Variants in FAR2 observed in about 807,000 individuals in gnomAD.
The protein encoded by FAR2 is epididymis secretory protein Li 81.
In FAR2, 19 loss-of-function variants were observed where a neutral mutation model predicts 56.0. The ratio of observed to expected loss-of-function variants is 0.34; its 90% CI spans 0.24 to 0.50. The LOEUF is 0.50. FAR2 is among the 20% of genes least tolerant of loss of function. The pLI is 0.98. For missense variants in FAR2, 508 were observed against 642.2 expected, an observed-to-expected ratio of 0.79 and a Z score of 2.26; for synonymous variants, 219 against 218.8, an observed-to-expected ratio of 1.00 and a Z score of -0.01.
At chr12:29,169,704 C>A (rs1949867141) in intron 1 of FAR2, among the ~76,000 whole-genome samples, 1 of 152,216 alleles carries the variant, frequency 6.6e-6, no homozygotes, top group South Asian at 2.1e-4. Context: ...TGGAGAGTCA[C>A]TGCTGCCAAA....
intron 1 of FAR2, chr12:29,157,012 C>CTAACTTTA (rs1390782076): frequency 6.7e-6 from 1 of 150,158 alleles, no homozygotes; most frequent in Non-Finnish European, 1.5e-5. Flanking sequence ...TGTGAGATAT[C>CTAACTTTA]TAACTTTATA....
chr12:29,325,095 C>T (rs879546594), intron 10 of FAR2, among the ~76,000 whole-genome samples: 16 of 152,106 alleles, frequency 1.1e-4, no homozygotes, highest in Non-Finnish European at 1.9e-4. Context: ...GCAGGGGTTG[C>T]AATCCTAGTC....
intron 1 of FAR2, among the ~76,000 whole-genome samples, chr12:29,217,984 A>AGAGGAGGAGGAGGAG (rs143213052): frequency 0.032 from 4,830 of 151,284 alleles, 257 homozygotes; most frequent in African/African-American, 0.11. Context: ...AAGAAGACAA[A>AGAGGAGGAGGAGGAG]GAGGAGGAGG....
chr12:29,322,274 A>G (rs1045047737), intron 10 of FAR2, among the ~76,000 whole-genome samples: 1 of 152,232 alleles, frequency 6.6e-6, no homozygotes, highest in Non-Finnish European at 1.5e-5. Flanking sequence ...CTGCCACAGC[A>G]TATGACTTCA....
At chr12:29,203,582 T>G (rs1372297889) in intron 1 of FAR2, among the ~76,000 whole-genome samples, 1 of 152,174 alleles carries the variant, frequency 6.6e-6, no homozygotes, top group Admixed American at 6.5e-5. Context: ...TCCATTTCAT[T>G]CCCCACAATA....
chr12:29,252,558 A>T (rs1391205147), intron 1 of FAR2, among the ~76,000 whole-genome samples: 1 of 152,224 alleles, frequency 6.6e-6, no homozygotes. Context: ...TTATCATGCA[A>T]CATGTGTCGA....
intron 1 of FAR2, among the ~76,000 whole-genome samples, chr12:29,160,831 C>CA (rs1949775903): frequency 6.6e-6 from 1 of 152,082 alleles, no homozygotes; most frequent in Admixed American, 6.6e-5. Context: ...GACCCCCCCC[C>CA]ACTCCAGTAT....
intron 1 of FAR2, among the ~76,000 whole-genome samples, chr12:29,250,522 T>C (rs891072820): frequency 6.6e-6 from 1 of 152,196 alleles, no homozygotes; most frequent in African/African-American, 2.4e-5. Context: ...ACCTATCTTA[T>C]ACCTCATATT....
At chr12:29,186,788 T>G (rs1206948201) in intron 1 of FAR2, among the ~76,000 whole-genome samples, 1 of 69,392 alleles carries the variant, frequency 1.4e-5, no homozygotes, top group Non-Finnish European at 3.8e-5. Context: ...ATTTATTTAT[T>G]TATTTATTTA....
chr12:29,316,798 A>ATTTT (rs1281666680), intron 8 of FAR2, 43 bp from the exon 9 acceptor site: 2 of 1,591,752 alleles, frequency 1.3e-6, no homozygotes. Flanking sequence ...ATGGACTTAT[A>ATTTT]TTCTCCTTTT....
chr12:29,268,732 C>G (rs868165283), intron 1 of FAR2, among the ~76,000 whole-genome samples: 1 of 152,106 alleles, frequency 6.6e-6, no homozygotes, highest in African/African-American at 2.4e-5. Flanking sequence ...AGGTTCTTTT[C>G]TATTTTCCTT....
At position 29,303,581 on chromosome 12, in the gene FAR2, G is replaced by GA. The variant is rs1225470113; in HGVS notation, c.546-4076dup. On this transcript the variant is annotated intron_variant, in intron 4 of 11. Coordinates refer to ENST00000536681, the MANE Select transcript of FAR2 (RefSeq NM_001271783.2). Reference sequence around the variant, plus strand: ...TGCAGGTGTGAGAGGCAGGGGAATGGAGGCCCCCACAGCCAGCAGCAGTGG... The same window carrying GA: ...TGCAGGTGTGAGAGGCAGGGGAATGGAAGGCCCCCACAGCCAGCAGCAGTGG... Among the ~76,000 whole-genome samples, 8 of 152,170 alleles carry GA rather than the reference G, an allele frequency of 5.3e-5. No homozygotes were observed. In the East Asian group the frequency reaches 1.3e-3, roughly 26 times the overall value.
At chr12:29,209,583 T>G (rs2136626468) in intron 1 of FAR2, among the ~76,000 whole-genome samples, 1 of 152,172 alleles carries the variant, frequency 6.6e-6, no homozygotes, top group East Asian at 1.9e-4. Context: ...AACTGGAAGA[T>G]GGGTTTGCTA....
At chr12:29,318,180 T>C (rs1197240246) in intron 9 of FAR2, among the ~76,000 whole-genome samples, 1 of 152,222 alleles carries the variant, frequency 6.6e-6, no homozygotes, top group Non-Finnish European at 1.5e-5. Context: ...GTCATCTTTA[T>C]TAGCAGTGCA....
chr12:29,164,755 C>T (rs71453725), intron 1 of FAR2, among the ~76,000 whole-genome samples: 2,356 of 152,168 alleles, frequency 0.015, 44 homozygotes, highest in African/African-American at 0.049. Flanking sequence ...TTAGACTGTT[C>T]GTGTGATGAG....
chr12:29,188,968 C>A (rs948301628), intron 1 of FAR2, among the ~76,000 whole-genome samples: 3 of 152,046 alleles, frequency 2.0e-5, no homozygotes, highest in Non-Finnish European at 4.4e-5. Context: ...TGATAGGTAG[C>A]CACATGCCAT....
At position 29,251,771 on chromosome 12, in the gene FAR2, C is replaced by A. The variant is rs377071383; in HGVS notation, c.-38-18641C>A. Among the ~76,000 whole-genome samples the A allele has an allele frequency of 2.0e-5, 3 of 152,112 alleles. No homozygotes were observed. The East Asian group carries it at 5.8e-4, about 29-fold the overall frequency. ...TTGGAAAGATTAGAGACCAATACCA[C>A]CATCACGGATTGTGCAAGGCTCTCC... On this transcript the variant is annotated intron_variant, in intron 1 of 11. Coordinates refer to ENST00000536681, the MANE Select transcript of FAR2 (RefSeq NM_001271783.2).
At chr12:29,296,583 TG>T (rs1252285150) in intron 3 of FAR2, among the ~76,000 whole-genome samples, 1 of 152,202 alleles carries the variant, frequency 6.6e-6, no homozygotes, top group Admixed American at 6.5e-5. Flanking sequence ...ATGTCTTGCC[TG>T]GATCTTTACA....
At position 29,333,507 on chromosome 12, in the gene FAR2, A is replaced by C. The variant is rs570646110; in HGVS notation, c.1386-125A>C. The C allele has an allele frequency of 4.4e-5, 38 of 855,814 alleles. No homozygotes were observed. In the East Asian group the frequency reaches 9.4e-4, roughly 21 times the overall value. 53.0% of individuals were successfully genotyped at this position (855,814 alleles called of 1,614,324 possible). A position where few individuals can be genotyped will look rare whatever the true frequency, so the allele number is the denominator to read the frequency against. On this transcript the variant is annotated intron_variant, in intron 11 of 11. Transcript: ENST00000536681. ...CGCAGAAACCAATTGGCCAAGTTAT[A>C]TCAAATACTCTGAGCACTTCATAAA...
Sources: gnomAD v4.1 joint callset for allele counts (sites outside exome capture counted in the v4.1 genomes callset) on GRCh38, gnomAD v4.1.1 for gene constraint, MANE v1.5 for transcripts, NCBI Gene and HGNC (gene_info 2026-07-23, HGNC 2026-07-21) for gene names.